CASKIN1: variants seen among roughly 807,000 people sequenced by gnomAD.
The protein encoded by CASKIN1 is CASK interacting protein 1, also known as caskin-1.
Under a neutral mutation model 117.5 loss-of-function variants are expected in CASKIN1, and 42 were observed. That is an observed-to-expected ratio of 0.36 (90% CI 0.28 to 0.46). CASKIN1 has a LOEUF of 0.46. Among genes scored for constraint, CASKIN1 ranks in the 20% least tolerant of loss-of-function variants. The pLI, the probability that CASKIN1 is intolerant of heterozygous loss-of-function variation, is 1.00. For missense variants in CASKIN1, 2,083 were observed against 2,077.3 expected (o/e 1.00, Z -0.05); for synonymous variants, 1,148 against 961.7 (o/e 1.19, Z -3.59).
In CASKIN1 at chr16:2,182,050, C is replaced by A; in HGVS notation, c.1630-121G>T. ...GGGCACAGACAGACAGGAGGACAAACGGATAGGCCGAGGTATTGGCACCAG... is the reference window on the plus strand; with the variant it reads ...GGGCACAGACAGACAGGAGGACAAAAGGATAGGCCGAGGTATTGGCACCAG... On this transcript the variant is annotated intron_variant, in intron 16 of 19. Transcript: ENST00000343516. This position sits in a 1 kb window ranked among gnomAD's most constrained non-coding sequence, Gnocchi z 4.1. 2 of 1,394,720 alleles carry A rather than the reference C, an allele frequency of 1.4e-6. No homozygotes were observed. The highest frequency in any genetic ancestry group is 9.9e-7 in the Non-Finnish European group (1 of 1,013,474). 86.4% of individuals were successfully genotyped at this position (1,394,720 alleles called of 1,614,324 possible). A position where few individuals can be genotyped will look rare whatever the true frequency, so the allele number is the denominator to read the frequency against.
In CASKIN1 at chr16:2,196,444, G is replaced by T; in HGVS notation, c.-12C>A. 1 of 1,241,470 alleles carries T rather than the reference G, an allele frequency of 8.1e-7. No individual in the cohort carries two copies. Among genetic ancestry groups the T allele is most frequent in the Non-Finnish European group, 1.0e-6 (1 of 978,212 alleles). 76.9% of individuals were successfully genotyped at this position (1,241,470 alleles called of 1,614,324 possible). On this transcript the variant is annotated 5_prime_UTR_variant, in exon 1 of 20. Transcript: ENST00000343516. The surrounding 1 kb of genome is among the most constrained non-coding windows in gnomAD (Gnocchi z 5.7). ...TGCTCCTTCCCCATGGCGCGGCCGG[G>T]GCCGCAGCGACGCGGCTGCGCTCGT...
At chr16:2,194,915 G>A (rs550237529) in intron 1 of CASKIN1, among the ~76,000 whole-genome samples, 225 of 152,336 alleles carry the variant, frequency 1.5e-3, no homozygotes, top group Admixed American at 3.3e-3. Context: ...CTGAATGCCT[G>A]GGCTGCAAGT....
chr16:2,179,631 G>A lies in CASKIN1; in HGVS notation c.3737C>T (p.Thr1246Ile), dbSNP rs1445454169. 7.5e-6 allele frequency: 11 copies of A among 1,475,504 alleles called. No individual in the cohort carries two copies. Among genetic ancestry groups the A allele is most frequent in the African/African-American group, 4.3e-5 (3 of 69,526 alleles). The allele number at this position is 1,475,504 out of a possible 1,614,324, so 91.4% of individuals were successfully genotyped here. A position where few individuals can be genotyped will look rare whatever the true frequency, so the allele number is the denominator to read the frequency against. ...GCCTGGCAGCGGCACCTTCTTGGAG[G>A]TGGGTGTGGGCGAGCCCTGGAGCTT... Reference protein sequence around the residue: ...VPKLQGSPTPTSKKVPLPGPG... With the variant: ...VPKLQGSPTPISKKVPLPGPG... The change falls in exon 18 of 20, where the codon ACC becomes ATC. Residue 1246 changes from threonine to isoleucine, a missense_variant. By Grantham distance (89) the Thr-to-Ile change is moderately conservative. Around this residue, in one of 3 missense-constraint regions of CASKIN1, gnomAD observed 1,818 missense variants for 1,688.9 expected, o/e 1.08. Transcript: ENST00000343516. This position sits in a 1 kb window ranked among gnomAD's most constrained non-coding sequence, Gnocchi z 5.8.
intron 17 of CASKIN1, 89 bp from the exon 18 acceptor site, chr16:2,181,688 C>T: frequency 1.4e-6 from 2 of 1,461,170 alleles, no homozygotes; most frequent in Non-Finnish European, 1.8e-6. Context: ...GGGCTTGGGG[C>T]CCAGCTTGGG....
chr16:2,190,723 T>C lies in CASKIN1; in HGVS notation c.95-365A>G, dbSNP rs139589663. Among the ~76,000 whole-genome samples, 1,317 of 152,096 alleles carry C rather than the reference T, an allele frequency of 8.7e-3. 6 individuals are homozygous for C. Among genetic ancestry groups the C allele is most frequent in the Non-Finnish European group, 0.014 (929 of 67,950 alleles). ...GGGACACTGGCTGAGCACCTGCCAA[T>C]GGTGGGAGGGAGAGAGCCGGCCCAA... On this transcript the variant is annotated intron_variant, in intron 1 of 19. Coordinates refer to ENST00000343516, the MANE Select transcript of CASKIN1 (RefSeq NM_020764.4).
At position 2,187,016 on chromosome 16, in the gene CASKIN1, G is replaced by A. The variant is rs1372147036; in HGVS notation, c.892C>T (p.Leu298=). Residue 298 remains leucine, a synonymous_variant, in exon 9 of 20, where the codon CTG becomes TTG. Coordinates refer to ENST00000343516, the MANE Select transcript of CASKIN1 (RefSeq NM_020764.4). ...ATKDYCNNYD[L]TSLNVKAGDI... ...CCTGCCTTCACGTTGAGGCTGGTCA[G>A]GTCGTAATTGTTGCAATAATCCTTG... 3 of 1,613,708 alleles carry A rather than the reference G, an allele frequency of 1.9e-6. No individual in the cohort carries two copies. The highest frequency in any genetic ancestry group is 1.7e-5 in the Admixed American group (1 of 60,004).
At position 2,179,890 on chromosome 16, in the gene CASKIN1, C is replaced by T. The variant is rs1269568774; in HGVS notation, c.3478G>A (p.Gly1160Arg). The stretch of plus-strand genomic sequence containing the variant: ...GACAGTGGCGGTGGTGGCTCAGGCC[C>T]GGCCTCCCGCTCCTTGGCCTTGGGC... ...RRPKAKEREA[G>R]PEPPPPLSVY... is the part of the protein sequence containing the mutation. The change falls in exon 18 of 20, where the codon GGG becomes AGG. Residue 1160 changes from glycine (G) to arginine (R), a missense_variant. By Grantham distance (125) the Gly-to-Arg change is moderately radical. This residue lies in a region of CASKIN1 where 1,818 missense variants were observed against 1,688.9 expected (regional missense o/e 1.08). Coordinates refer to ENST00000343516, the MANE Select transcript of CASKIN1 (RefSeq NM_020764.4). This position sits in a 1 kb window ranked among gnomAD's most constrained non-coding sequence, Gnocchi z 5.8. The T allele has an allele frequency of 1.0e-5, 16 of 1,604,966 alleles. No homozygotes were observed. Among genetic ancestry groups the T allele is most frequent in the East Asian group, 9.0e-5 (4 of 44,592 alleles).
Position 2,179,765 on chromosome 16 carries a change from C to T in CASKIN1, c.3603G>A (p.Pro1201=), listed in dbSNP as rs2093160378. ...GGGGTAGGTGCGCCAGGTCGGTGGG[C>T]GGGGGTTCGGCAGGCGGGGGCGGTG... is the stretch of plus-strand genomic sequence containing the variant. ...LPPPPPPAEP[P]PTDLAHLPPL... Residue 1201 remains proline (P), a synonymous_variant, in exon 18 of 20, where the codon CCG becomes CCA. Transcript: ENST00000343516. The surrounding 1 kb of genome is among the most constrained non-coding windows in gnomAD (Gnocchi z 5.8). The T allele has an allele frequency of 4.0e-6, 5 of 1,254,630 alleles. No individual in the cohort carries two copies. The highest frequency in any genetic ancestry group is 6.7e-5 in the East Asian group (2 of 30,068). 77.7% of individuals were successfully genotyped at this position (1,254,630 alleles called of 1,614,324 possible). A position where few individuals can be genotyped will look rare whatever the true frequency, so the allele number is the denominator to read the frequency against.
In CASKIN1 at chr16:2,196,005, C is replaced by G. The variant is rs1308624137; in HGVS notation, c.94+334G>C. On this transcript the variant is annotated intron_variant, in intron 1 of 19. Coordinates refer to ENST00000343516, the MANE Select transcript of CASKIN1 (RefSeq NM_020764.4). This position sits in a 1 kb window ranked among gnomAD's most constrained non-coding sequence, Gnocchi z 5.7. ...GGCATCCGCCTCGCCCTTTGAAGGC[C>G]CCAGCAGAGACCTCCAGCTGTCAGC... Among the ~76,000 whole-genome samples the G allele has an allele frequency of 1.3e-5, 2 of 151,982 alleles. No individual in the cohort carries two copies. Among genetic ancestry groups the G allele is most frequent in the Non-Finnish European group, 2.9e-5 (2 of 67,922 alleles).
In CASKIN1 at chr16:2,184,994, G is replaced by A. The variant is rs746805672; in HGVS notation, c.1281C>T (p.Ser427=). Residue 427 remains serine (S), a synonymous_variant, in exon 13 of 20, where the codon TCC becomes TCT. Transcript: ENST00000343516. The stretch of plus-strand genomic sequence containing the variant: ...GCTTGGCGGGGCTGTCCCCCGGGCC[G>A]GACTCAGAGACGGACTTCTGGGAAA... ...TVLSQKSVSE[S]GPGDSPAKPP... The A allele has an allele frequency of 2.9e-5, 46 of 1,608,398 alleles. No homozygotes were observed. Among genetic ancestry groups the A allele is most frequent in the African/African-American group, 1.7e-4 (13 of 74,882 alleles).
chr16:2,190,251 G>C (rs376677375), intron 2 of CASKIN1, 56 bp downstream of exon 2: 106 of 1,583,464 alleles, frequency 6.7e-5, no homozygotes, highest in Non-Finnish European at 8.9e-5. Context: ...CGGCACCTAG[G>C]CCTCTCTAGG....
At chr16:2,189,361 G>T (rs763514894) in intron 4 of CASKIN1, 28 bp from the exon 5 acceptor site, 2 of 1,611,928 alleles carry the variant, frequency 1.2e-6, no homozygotes, top group Non-Finnish European at 1.7e-6. Context: ...AGTCAGGTCC[G>T]CACATCCTCA....
intron 1 of CASKIN1, among the ~76,000 whole-genome samples, chr16:2,194,809 G>C (rs1054738033): frequency 4.6e-5 from 7 of 152,162 alleles, no homozygotes; most frequent in Admixed American, 6.5e-5. Context: ...ATAGAAGGGA[G>C]GAGGAACCTC....
In CASKIN1 at chr16:2,190,078, T is replaced by C; in HGVS notation, c.239A>G (p.Asn80Ser). ...EAQAAVDIKD[N>S]KGMRPLHYAA... is the part of the protein sequence containing the mutation. ...AGGCCCTCGGCTAGTCTTGCCTTTG[T>C]TGTCCTTGATGTCCACAGCGGCCTG... The change falls in exon 3 of 20, where the codon AAC becomes AGC. Residue 80 changes from asparagine to serine, a missense_variant. Transcript: ENST00000343516. 6.2e-7 allele frequency: 1 copy of C among 1,612,274 alleles called. No homozygotes were observed.
In CASKIN1 at chr16:2,179,417, C is replaced by T. The variant is rs541358453; in HGVS notation, c.3776-92G>A. On this transcript the variant is annotated intron_variant, in intron 18 of 19. Transcript: ENST00000343516. The surrounding 1 kb of genome is among the most constrained non-coding windows in gnomAD (Gnocchi z 5.8). ...TCCCGCGGCTTCCTCCCCAGCGGAC[C>T]GGGAAAGACCCTGCTCACCTTGCCC... 1.9e-4 allele frequency: 255 copies of T among 1,324,752 alleles called. 3 individuals are homozygous for T. The East Asian group carries it at 7.3e-3, about 38-fold the overall frequency. 82.1% of individuals were successfully genotyped at this position (1,324,752 alleles called of 1,614,324 possible).
At chr16:2,183,256 C>G (rs553415338) in intron 16 of CASKIN1, among the ~76,000 whole-genome samples, 3 of 152,200 alleles carry the variant, frequency 2.0e-5, no homozygotes, top group Admixed American at 1.3e-4. Context: ...GTGGCTGGCA[C>G]GTACCTGGGT....
rs148185298 is a variant in CASKIN1 at position 2,180,209 on chromosome 16, G to T, written c.3159C>A (p.Ile1053=). The stretch of plus-strand genomic sequence containing the variant: ...GGTTCACCACCTCCCCGCCAGGCCC[G>T]ATGGCCTCTTTGTGTTTCACTGAGG... ...VLASVKHKEA[I]GPGGEVVNRR... is the part of the protein sequence containing the mutation. The change falls in exon 18 of 20, where the codon ATC becomes ATA. Residue 1053 remains isoleucine, a synonymous_variant. Coordinates refer to ENST00000343516, the MANE Select transcript of CASKIN1 (RefSeq NM_020764.4). 6.5e-7 allele frequency: 1 copy of T among 1,550,186 alleles called. No individual in the cohort carries two copies. Among genetic ancestry groups the T allele is most frequent in the Non-Finnish European group, 8.7e-7 (1 of 1,147,716 alleles).
intron 1 of CASKIN1, among the ~76,000 whole-genome samples, chr16:2,191,924 C>T (rs930538514): frequency 6.6e-6 from 1 of 152,262 alleles, no homozygotes; most frequent in Non-Finnish European, 1.5e-5. Flanking sequence ...CATCCCCTCC[C>T]CACTGGTGTC....
chr16:2,189,646 C>G (rs1240103556), intron 3 of CASKIN1, 82 bp from the exon 4 acceptor site: 3 of 1,450,922 alleles, frequency 2.1e-6, no homozygotes, highest in Non-Finnish European at 2.7e-6. Context: ...GGACCTGACC[C>G]CTGACCCCAA....
Sources: gnomAD v4.1 joint callset for allele counts (sites outside exome capture counted in the v4.1 genomes callset) on GRCh38, gnomAD v4.1.1 for gene constraint, gnomAD v4.1.1 regional missense constraint, Gnocchi (gnomAD v3.1) non-coding constraint, MANE v1.5 for transcripts, NCBI Gene and HGNC (gene_info 2026-07-23, HGNC 2026-07-21) for gene names.